Variants in NEDD4L observed in about 807,000 individuals in gnomAD.
NEDD4L encodes the protein NEDD4 like E3 ubiquitin protein ligase.
Under a neutral mutation model 148.9 loss-of-function variants are expected in NEDD4L, and 54 were observed. The ratio of observed to expected loss-of-function variants is 0.36; its 90% CI spans 0.29 to 0.45. NEDD4L has a LOEUF of 0.45. Ranked by LOEUF, NEDD4L falls within the 20% of genes least tolerant of loss-of-function variation. The pLI is 1.00. For synonymous variants in NEDD4L, 433 were observed against 440.7 expected (o/e 0.98, Z 0.22); for missense variants, 856 against 1,233.8 (o/e 0.69, Z 4.59).
chr18:58,383,123 C>A, intron 24 of NEDD4L, 123 bp from the exon 25 acceptor site: 1 of 638,144 alleles, frequency 1.6e-6, no homozygotes, highest in Admixed American at 2.4e-5. Flanking sequence ...GCACAGAGCC[C>A]ATTTGCCGGG....
At chr18:58,206,532 G>T (rs924148549) in intron 2 of NEDD4L, among the ~76,000 whole-genome samples, 5 of 152,158 alleles carry the variant, frequency 3.3e-5, no homozygotes, top group African/African-American at 1.2e-4. Context: ...TTTGCACGGG[G>T]TCTGAACCTC....
At chr18:58,321,926 C>T (rs975408886) in intron 6 of NEDD4L, among the ~76,000 whole-genome samples, 5 of 152,182 alleles carry the variant, frequency 3.3e-5, no homozygotes, top group Admixed American at 6.5e-5. Flanking sequence ...GAAGGTTGAT[C>T]GGTGCTGCTT....
At chr18:58,145,904 TA>T (rs762109075) in intron 1 of NEDD4L, among the ~76,000 whole-genome samples, 2 of 152,196 alleles carry the variant, frequency 1.3e-5, no homozygotes, top group African/African-American at 4.8e-5. Context: ...TACATTTTTT[TA>T]AAATTGGCAT....
At chr18:58,215,556 A>G (rs2043079019) in intron 2 of NEDD4L, among the ~76,000 whole-genome samples, 2 of 152,162 alleles carry the variant, frequency 1.3e-5, no homozygotes, top group Non-Finnish European at 2.9e-5. Flanking sequence ...TATATCTTGT[A>G]TAGCACCTTT....
At chr18:58,372,843 AAAAAG>A (rs201406527) in intron 23 of NEDD4L, among the ~76,000 whole-genome samples, 4,461 of 146,136 alleles carry the variant, frequency 0.031, 195 homozygotes, top group African/African-American at 0.11. Flanking sequence ...AAAAAAAAAA[AAAAAG>A]AGAGAGAGAA....
chr18:58,338,121 A>G (rs985813109), intron 13 of NEDD4L, among the ~76,000 whole-genome samples: 3 of 152,256 alleles, frequency 2.0e-5, no homozygotes, highest in African/African-American at 7.2e-5. Flanking sequence ...TTTTAATGAA[A>G]GAAACAGAGC....
At chr18:58,093,748 A>G (rs1252002190) in intron 1 of NEDD4L, among the ~76,000 whole-genome samples, 3 of 152,224 alleles carry the variant, frequency 2.0e-5, no homozygotes, top group Non-Finnish European at 4.4e-5. Flanking sequence ...ATTCCCATCA[A>G]CTCTCCAACC....
intron 5 of NEDD4L, among the ~76,000 whole-genome samples, chr18:58,284,727 T>C (rs568831318): frequency 1.3e-5 from 2 of 152,364 alleles, no homozygotes; most frequent in Admixed American, 6.5e-5. Context: ...TGTTTGCAAA[T>C]TGAAGCATAT....
At chr18:58,318,314 T>C (rs138213638) in intron 6 of NEDD4L, among the ~76,000 whole-genome samples, 2,455 of 152,280 alleles carry the variant, frequency 0.016, 32 homozygotes, top group Non-Finnish European at 0.022. Flanking sequence ...CCAGCACTTT[T>C]GGAGGCCGAG....
chr18:58,347,085 G>C (rs1027857157), intron 16 of NEDD4L, among the ~76,000 whole-genome samples: 1 of 152,026 alleles, frequency 6.6e-6, no homozygotes, highest in African/African-American at 2.4e-5. Context: ...ATGAAGTCTA[G>C]GTTTCCATGC....
intron 2 of NEDD4L, among the ~76,000 whole-genome samples, chr18:58,177,186 G>A (rs151108096): frequency 8.6e-5 from 13 of 151,938 alleles, no homozygotes; most frequent in Admixed American, 7.2e-4. Flanking sequence ...GTGCCCCCAC[G>A]CCCGTGCCCT....
intron 6 of NEDD4L, among the ~76,000 whole-genome samples, chr18:58,321,777 T>C (rs893703921): frequency 2.0e-5 from 3 of 152,254 alleles, no homozygotes; most frequent in African/African-American, 7.2e-5. Context: ...ATTAATGAAA[T>C]AGTCACACTT....
intron 24 of NEDD4L, among the ~76,000 whole-genome samples, chr18:58,374,548 G>A (rs1246913268): frequency 6.6e-6 from 1 of 151,872 alleles, no homozygotes; most frequent in Non-Finnish European, 1.5e-5. Flanking sequence ...TCCTGCACGG[G>A]GACCTTGTGA....
intron 1 of NEDD4L, among the ~76,000 whole-genome samples, chr18:58,061,680 T>G (rs938739350): frequency 3.3e-5 from 5 of 152,210 alleles, no homozygotes; most frequent in Admixed American, 6.5e-5. Context: ...ATCTTTTGCT[T>G]TAAAATATAC....
chr18:58,362,591 AC>A (rs1457841337), intron 19 of NEDD4L, among the ~76,000 whole-genome samples: 1 of 152,282 alleles, frequency 6.6e-6, no homozygotes, highest in East Asian at 1.9e-4. Flanking sequence ...TGGCACTACC[AC>A]GGTTTATTCA....
chr18:58,300,768 T>C (rs1233145334), intron 5 of NEDD4L, among the ~76,000 whole-genome samples: 1 of 152,190 alleles, frequency 6.6e-6, no homozygotes, highest in Non-Finnish European at 1.5e-5. Flanking sequence ...GATGAATGAG[T>C]CTGTGGCCCA....
chr18:58,340,929 T>C (rs929552446), intron 13 of NEDD4L, 109 bp from the exon 14 acceptor site: 2 of 1,119,760 alleles, frequency 1.8e-6, no homozygotes, highest in Non-Finnish European at 2.5e-6. Flanking sequence ...TAAATAGATC[T>C]AATTAACTTT....
chr18:58,106,587 A>G (rs1294127127), intron 1 of NEDD4L, among the ~76,000 whole-genome samples: 2 of 152,120 alleles, frequency 1.3e-5, no homozygotes, highest in Admixed American at 6.6e-5. Flanking sequence ...CTCTTTTGTC[A>G]TCTGTTAAAG....
intron 5 of NEDD4L, among the ~76,000 whole-genome samples, chr18:58,283,117 C>A (rs1466917136): frequency 6.6e-6 from 1 of 151,908 alleles, no homozygotes; most frequent in Admixed American, 6.6e-5. Context: ...GCTCTGTCGC[C>A]CAGGCTGGAG....
Sources: gnomAD v4.1 joint callset for allele counts (sites outside exome capture counted in the v4.1 genomes callset) on GRCh38, gnomAD v4.1.1 for gene constraint, MANE v1.5 for transcripts, NCBI Gene and HGNC (gene_info 2026-07-23, HGNC 2026-07-21) for gene names.